The following CFAP47 variants were observed in gnomAD, a reference collection of about 807,000 sequenced individuals.
CFAP47 encodes the protein cilia- and flagella-associated protein 47.
In CFAP47, 29 loss-of-function variants were observed where a neutral mutation model predicts 148.1. The ratio of observed to expected loss-of-function variants is 0.20; its 90% CI spans 0.15 to 0.27. The LOEUF is 0.27. Among genes scored for constraint, CFAP47 ranks in the 10% least tolerant of loss-of-function variants. CFAP47 has a pLI of 1.00. For missense variants in CFAP47, 1,872 were observed against 1,697.5 expected (o/e 1.10, Z -1.81); for synonymous variants, 664 against 577.3 (o/e 1.15, Z -2.15).
chrX:36,061,990 G>T (rs1319579802), intron 26 of CFAP47, among the ~76,000 whole-genome samples: 1 of 111,468 alleles, frequency 9.0e-6, no homozygotes, highest in African/African-American at 3.3e-5. Flanking sequence ...ACCCTTCGTA[G>T]CCACTGCCAG....
intron 45 of CFAP47, among the ~76,000 whole-genome samples, chrX:36,207,817 T>C (rs140822713): frequency 0.02 from 2,281 of 111,514 alleles, 22 homozygotes; most frequent in Non-Finnish European, 0.033. Flanking sequence ...CTTAAATTGC[T>C]AGCATAGCTA....
In CFAP47 at chrX:36,180,251, A is replaced by T. The variant is rs749930311; in HGVS notation, c.6104+829A>T. 2.3e-3 allele frequency among the ~76,000 whole-genome samples: 115 copies of T among 49,087 alleles called. 2 individuals are homozygous for T. In the South Asian group the frequency reaches 0.086, roughly 37 times the overall value. 42.6% of individuals were successfully genotyped at this position (49,087 alleles called of 115,157 possible). A position where few individuals can be genotyped will look rare whatever the true frequency, so the allele number is the denominator to read the frequency against. The stretch of plus-strand genomic sequence containing the variant: ...TGCTGAATAATGAAACAGGATTTTT[A>T]AAAAAATTGATTGTTTTATGTTGCT... On this transcript the variant is annotated intron_variant, in intron 40 of 63. Transcript: ENST00000378653.
intron 35 of CFAP47, chrX:36,144,549 T>G: frequency 1.0e-6 from 1 of 997,599 alleles, no homozygotes; most frequent in African/African-American, 2.5e-5. Flanking sequence ...ACTGGCAACG[T>G]TTTGTTTCTA....
At chrX:36,255,203 G>T (rs1224105002) in intron 49 of CFAP47, among the ~76,000 whole-genome samples, 1 of 112,118 alleles carries the variant, frequency 8.9e-6, no homozygotes, top group Non-Finnish European at 1.9e-5. Context: ...CAGAGGGACA[G>T]CTTCAAGAGA....
chrX:36,230,697 C>T (rs1940339941), intron 46 of CFAP47, among the ~76,000 whole-genome samples: 1 of 109,790 alleles, frequency 9.1e-6, no homozygotes. Flanking sequence ...CGCCTATGTC[C>T]TGAATGGTAA....
intron 22 of CFAP47, among the ~76,000 whole-genome samples, chrX:36,024,913 G>T (rs1216231454): frequency 9.0e-6 from 1 of 110,862 alleles, no homozygotes; most frequent in Non-Finnish European, 1.9e-5. Context: ...GGTGACCTTT[G>T]CAGGGAGGAC....
intron 33 of CFAP47, among the ~76,000 whole-genome samples, chrX:36,116,093 AC>A (rs1298600902): frequency 1.8e-5 from 2 of 111,549 alleles, no homozygotes; most frequent in African/African-American, 6.5e-5. Context: ...TTCAGAGGGG[AC>A]TTGTGCATTT....
intron 33 of CFAP47, among the ~76,000 whole-genome samples, chrX:36,118,279 T>C (rs1472374848): frequency 9.0e-6 from 1 of 111,295 alleles, no homozygotes; most frequent in Admixed American, 9.5e-5. Context: ...ATTTGGAGAA[T>C]GCCCTTGGTA....
chrX:36,353,468 A>G (rs913384765), intron 59 of CFAP47, 61 bp from the exon 60 acceptor site: 1 of 995,700 alleles, frequency 1.0e-6, no homozygotes, highest in South Asian at 2.2e-5. Flanking sequence ...ATTTTCTTCT[A>G]TCTCAAGAAT....
intron 45 of CFAP47, among the ~76,000 whole-genome samples, chrX:36,218,444 C>A (rs1278113067): frequency 8.9e-6 from 1 of 111,890 alleles, no homozygotes; most frequent in Non-Finnish European, 1.9e-5. Context: ...TAGCCATTTA[C>A]ATGTATCCTA....
At chrX:35,926,873 C>T (rs1486997276) in intron 2 of CFAP47, among the ~76,000 whole-genome samples, 3 of 110,731 alleles carry the variant, frequency 2.7e-5, no homozygotes, top group Non-Finnish European at 5.7e-5. Flanking sequence ...TGCAGTGGCT[C>T]ATGCCTGTAA....
intron 39 of CFAP47, among the ~76,000 whole-genome samples, chrX:36,167,196 A>G (rs1344032): frequency 0.31 from 33,750 of 110,143 alleles, 6,178 homozygotes; most frequent in African/African-American, 0.68. Flanking sequence ...AACTGGCACT[A>G]TTTCTGAGAA....
At chrX:36,282,558 G>A (rs2146945448) in intron 50 of CFAP47, among the ~76,000 whole-genome samples, 1 of 111,287 alleles carries the variant, frequency 9.0e-6, no homozygotes, top group Admixed American at 9.5e-5. Context: ...CTCTCAGACA[G>A]AATTAACTTT....
intron 33 of CFAP47, among the ~76,000 whole-genome samples, chrX:36,119,140 G>A (rs1194959760): frequency 1.8e-5 from 2 of 111,802 alleles, no homozygotes; most frequent in Non-Finnish European, 3.8e-5. Flanking sequence ...GAGTATCCTT[G>A]TTGTGTTCCA....
chrX:36,092,618 A>AT (rs1197224942), intron 30 of CFAP47, among the ~76,000 whole-genome samples: 1,770 of 101,946 alleles, frequency 0.017, 46 homozygotes, highest in African/African-American at 0.058. Context: ...TATAACTTTT[A>AT]TTTTTTTTTT....
At chrX:36,229,039 C>T (rs782520840) in intron 46 of CFAP47, among the ~76,000 whole-genome samples, 3 of 111,184 alleles carry the variant, frequency 2.7e-5, no homozygotes, top group Non-Finnish European at 5.7e-5. Flanking sequence ...TTGCTTAAAA[C>T]AATTAACTCC....
intron 39 of CFAP47, among the ~76,000 whole-genome samples, chrX:36,168,847 C>T (rs1181768590): frequency 8.9e-6 from 1 of 112,136 alleles, no homozygotes; most frequent in East Asian, 2.8e-4. Flanking sequence ...CCTTTTATTA[C>T]CTCTTGTGGT....
At chrX:36,289,283 C>T (rs1375863079) in intron 51 of CFAP47, among the ~76,000 whole-genome samples, 11 of 110,363 alleles carry the variant, frequency 1.0e-4, no homozygotes, top group African/African-American at 2.0e-4. Context: ...GGATTACAAG[C>T]GTGAGCCACC....
chrX:35,953,792 T>C (rs1936203714), intron 7 of CFAP47, 73 bp downstream of exon 7: 1 of 739,193 alleles, frequency 1.4e-6, no homozygotes, highest in African/African-American at 2.2e-5. Flanking sequence ...CATGAATATC[T>C]GTAGAGACAA....
Sources: gnomAD v4.1 joint callset for allele counts (sites outside exome capture counted in the v4.1 genomes callset) on GRCh38, gnomAD v4.1.1 for gene constraint, MANE v1.5 for transcripts, NCBI Gene and HGNC (gene_info 2026-07-23, HGNC 2026-07-21) for gene names.